The following GFPT2 variants were observed in gnomAD, a reference collection of about 807,000 sequenced individuals.
GFPT2 encodes glutamine--fructose-6-phosphate transaminase 2.
Under a neutral mutation model 85.6 loss-of-function variants are expected in GFPT2, and 62 were observed. The observed-to-expected ratio is 0.72, with a 90% confidence interval of 0.59 to 0.90. The LOEUF is 0.90. Among genes scored for constraint, GFPT2 ranks in the 40% least tolerant of loss-of-function variants. GFPT2 has a pLI of 0.00. For missense variants in GFPT2, 788 were observed against 893.4 expected (o/e 0.88, Z 1.50); for synonymous variants, 368 against 344.5 (o/e 1.07, Z -0.75).
At chr5:180,334,148 G>A (rs1764356411) in intron 4 of GFPT2, among the ~76,000 whole-genome samples, 1 of 152,192 alleles carries the variant, frequency 6.6e-6, no homozygotes, top group South Asian at 2.1e-4. Context: ...CAGGGCATGA[G>A]CCAGACCCAA....
At chr5:180,311,603 G>C (rs1461131895) in intron 15 of GFPT2, among the ~76,000 whole-genome samples, 1 of 152,188 alleles carries the variant, frequency 6.6e-6, no homozygotes, top group East Asian at 1.9e-4. Context: ...CCTACTGTAT[G>C]CCTGCCCTGT....
intron 5 of GFPT2, among the ~76,000 whole-genome samples, chr5:180,331,176 T>G (rs1581382772): frequency 6.6e-6 from 1 of 152,234 alleles, no homozygotes; most frequent in Non-Finnish European, 1.5e-5. Context: ...TGTCTGACTT[T>G]CCGTCCCAAC....
At chr5:180,308,108 T>C (rs563594321) in intron 15 of GFPT2, among the ~76,000 whole-genome samples, 8 of 152,084 alleles carry the variant, frequency 5.3e-5, no homozygotes, top group African/African-American at 1.7e-4. Flanking sequence ...TACAAAAAAT[T>C]AGCCGGGCAT....
rs1453819795 is a variant in GFPT2 at position 180,353,319 on chromosome 5, G to A, written c.-102C>T. On this transcript the variant is annotated 5_prime_UTR_variant, in exon 1 of 19. Coordinates refer to ENST00000253778, the MANE Select transcript of GFPT2 (RefSeq NM_005110.4). ...TCCGTGGGCTCCGTGGGCTCCGTGGGCTCCGCGGGCTCCAGCTCCCGTCCG... is the reference window on the plus strand; with the variant it reads ...TCCGTGGGCTCCGTGGGCTCCGTGGACTCCGCGGGCTCCAGCTCCCGTCCG... The A allele has an allele frequency of 7.5e-4, 662 of 884,982 alleles. 1 individual carries two copies. The highest frequency in any genetic ancestry group is 9.0e-4 in the Non-Finnish European group (611 of 682,666). The allele number at this position is 884,982 out of a possible 1,614,324, so 54.8% of individuals were successfully genotyped here.
At chr5:180,346,923 T>A (rs1050940942) in intron 1 of GFPT2, among the ~76,000 whole-genome samples, 7 of 152,182 alleles carry the variant, frequency 4.6e-5, no homozygotes, top group Admixed American at 2.6e-4. Context: ...AACACCAAAC[T>A]TCTTTGGGGG....
intron 1 of GFPT2, among the ~76,000 whole-genome samples, chr5:180,347,123 C>T (rs966572119): frequency 3.3e-5 from 5 of 152,220 alleles, no homozygotes; most frequent in South Asian, 2.1e-4. Context: ...CCTTCAGGTT[C>T]CCAAGAGCCT....
At chr5:180,333,436 G>A (rs541218850) in intron 4 of GFPT2, among the ~76,000 whole-genome samples, 33 of 152,104 alleles carry the variant, frequency 2.2e-4, no homozygotes, top group African/African-American at 5.1e-4. Context: ...GGGTTTCACC[G>A]TGTTAGCCAG....
chr5:180,341,326 C>T (rs1764511118), intron 1 of GFPT2, among the ~76,000 whole-genome samples: 1 of 152,146 alleles, frequency 6.6e-6, no homozygotes, highest in African/African-American at 2.4e-5. Flanking sequence ...AGATAACAGA[C>T]AGCTGATTGT....
At chr5:180,312,626 TTG>T in intron 14 of GFPT2, 82 bp from the exon 15 acceptor site, 1 of 759,682 alleles carries the variant, frequency 1.3e-6, no homozygotes, top group Non-Finnish European at 2.3e-6. Flanking sequence ...GTCTACTCTG[TTG>T]CTCACGCCTG....
At chr5:180,324,737 G>C (rs558095155) in intron 8 of GFPT2, 79 bp downstream of exon 8, 1 of 918,240 alleles carries the variant, frequency 1.1e-6, no homozygotes, top group South Asian at 1.3e-5. Flanking sequence ...CCTCAGAGGG[G>C]AGCTGACTGT....
Position 180,318,081 on chromosome 5 carries a change from A to G in GFPT2, c.958+712T>C, listed in dbSNP as rs1465076646. On this transcript the variant is annotated intron_variant, in intron 10 of 18. Transcript: ENST00000253778. This position sits in a 1 kb window ranked among gnomAD's most constrained non-coding sequence, Gnocchi z 4.2. ...GACCATGGCAGACACAGGAGCAGAG[A>G]AGGAGTCTCTGAGGGGGTGACATTT... is the stretch of plus-strand genomic sequence containing the variant. Among the ~76,000 whole-genome samples, 2 of 152,112 alleles carry G rather than the reference A, an allele frequency of 1.3e-5. No individual in the cohort carries two copies. Among genetic ancestry groups the G allele is most frequent in the Non-Finnish European group, 2.9e-5 (2 of 68,024 alleles).
intron 1 of GFPT2, among the ~76,000 whole-genome samples, chr5:180,344,273 A>C (rs550824427): frequency 2.6e-5 from 4 of 152,348 alleles, no homozygotes; most frequent in African/African-American, 9.6e-5. Flanking sequence ...CCCAGAGGGC[A>C]GTCAAAGGTA....
At chr5:180,311,618 G>C (rs1470577224) in intron 15 of GFPT2, among the ~76,000 whole-genome samples, 1 of 152,216 alleles carries the variant, frequency 6.6e-6, no homozygotes, top group Admixed American at 6.5e-5. Flanking sequence ...CCCTGTGCTG[G>C]ACACCAGCTG....
At chr5:180,305,260 T>C (rs1190101294) in intron 16 of GFPT2, among the ~76,000 whole-genome samples, 1 of 152,140 alleles carries the variant, frequency 6.6e-6, no homozygotes, top group East Asian at 1.9e-4. Context: ...GGAGTCAGCC[T>C]AGCTCACCCC....
rs778367014 is a variant in GFPT2, at chr5:180,330,873, T to A, written c.400-39A>T. On this transcript the variant is annotated intron_variant, in intron 5 of 18. Transcript: ENST00000253778. This position sits in a 1 kb window ranked among gnomAD's most constrained non-coding sequence, Gnocchi z 4.4. ...TCGGCACAGTGTGAGAGATTGGTCA[T>A]TGCACAATGCCTGCCTGGCCAACTC... 1 of 1,602,488 alleles carries A rather than the reference T, an allele frequency of 6.2e-7. No homozygotes were observed. The highest frequency in any genetic ancestry group is 1.7e-5 in the Admixed American group (1 of 59,704).
intron 7 of GFPT2, among the ~76,000 whole-genome samples, chr5:180,325,700 T>A (rs1005184751): frequency 1.4e-4 from 22 of 152,334 alleles, no homozygotes; most frequent in African/African-American, 5.1e-4. Flanking sequence ...TTTCCTCTGA[T>A]TCACAACTTC....
chr5:180,330,914 G>T lies in GFPT2; in HGVS notation c.400-80C>A. ...TGGCCAACTCCCTCTCCTCCCTGGT[G>T]ATCTGCCCTTGGAGTGACTTAAGTC... is the stretch of plus-strand genomic sequence containing the variant. On this transcript the variant is annotated intron_variant, in intron 5 of 18. Transcript: ENST00000253778. The surrounding 1 kb of genome is among the most constrained non-coding windows in gnomAD (Gnocchi z 4.4). 1 of 1,318,500 alleles carries T rather than the reference G, an allele frequency of 7.6e-7. No homozygotes were observed. The highest frequency in any genetic ancestry group is 1.1e-6 in the Non-Finnish European group (1 of 929,284). The allele number at this position is 1,318,500 out of a possible 1,614,324, so 81.7% of individuals were successfully genotyped here.
rs1554133430 is a variant in GFPT2, at chr5:180,315,181, C to CTTTCTT, written c.1273+1159_1273+1160insAAGAAA. 3.6e-3 allele frequency among the ~76,000 whole-genome samples: 523 copies of CTTTCTT among 144,128 alleles called. 3 individuals are homozygous for CTTTCTT. The highest frequency in any genetic ancestry group is 0.012 in the African/African-American group (462 of 39,560). 94.6% of individuals were successfully genotyped at this position (144,128 alleles called of 152,430 possible). On this transcript the variant is annotated intron_variant, in intron 13 of 18. Transcript: ENST00000253778. ...ACCGTGGTCATACGTTTTTCTTTTT[C>CTTTCTT]TTTTTTTTTTTTTTGAGACGGAGTC...
Position 180,318,662 on chromosome 5 carries a change from G to A in GFPT2, c.958+131C>T. 1 of 759,514 alleles carries A rather than the reference G, an allele frequency of 1.3e-6. No individual in the cohort carries two copies. The highest frequency in any genetic ancestry group is 2.2e-6 in the Non-Finnish European group (1 of 463,696). 47.0% of individuals were successfully genotyped at this position (759,514 alleles called of 1,614,324 possible). ...CACCTGTGCAAGCCACAGGCTACCT[G>A]CAGCCCCGCCCTGGTGGCCACAGAG... On this transcript the variant is annotated intron_variant, in intron 10 of 18. Coordinates refer to ENST00000253778, the MANE Select transcript of GFPT2 (RefSeq NM_005110.4). The surrounding 1 kb of genome is among the most constrained non-coding windows in gnomAD (Gnocchi z 4.2).
Sources: gnomAD v4.1 joint callset for allele counts (sites outside exome capture counted in the v4.1 genomes callset) on GRCh38, gnomAD v4.1.1 for gene constraint, Gnocchi (gnomAD v3.1) non-coding constraint, MANE v1.5 for transcripts, NCBI Gene and HGNC (gene_info 2026-07-23, HGNC 2026-07-21) for gene names.